CCNY: variants seen among roughly 807,000 people sequenced by gnomAD.
CCNY encodes the protein cyclin-Y.
In CCNY, 19 loss-of-function variants were observed where a neutral mutation model predicts 42.8. That is an observed-to-expected ratio of 0.44 (90% confidence interval 0.31 to 0.65). The LOEUF (loss-of-function observed/expected upper bound fraction) is 0.65, where lower values mean the gene tolerates loss of function less well. Among genes scored for constraint, CCNY ranks in the 30% least tolerant of loss-of-function variants. The pLI is 0.07. For synonymous variants in CCNY, 165 were observed against 162.7 expected (o/e 1.01, Z -0.11); for missense variants, 370 against 437.3 (o/e 0.85, Z 1.37).
At chr10:35,561,859 G>T (rs1283391413) in intron 8 of CCNY, among the ~76,000 whole-genome samples, 1 of 152,234 alleles carries the variant, frequency 6.6e-6, no homozygotes, top group African/African-American at 2.4e-5. Context: ...ACTGAGACTT[G>T]CAGGCAGAAT....
In CCNY at chr10:35,540,564, C is replaced by CT. The variant is rs561129843; in HGVS notation, c.579+10333dup. Reference sequence around the variant, plus strand: ...AACAAATTGAGAAATATTCCTTCTACTTTTTTTTTTTTGAAGAGTTTGTGG... The same window carrying CT: ...AACAAATTGAGAAATATTCCTTCTACTTTTTTTTTTTTTGAAGAGTTTGTGG... On this transcript the variant is annotated intron_variant, in intron 7 of 9. Coordinates refer to ENST00000374704, the MANE Select transcript of CCNY (RefSeq NM_145012.6). Among the ~76,000 whole-genome samples, 347 of 144,672 alleles carry CT rather than the reference C, an allele frequency of 2.4e-3. 1 individual carries two copies. Among genetic ancestry groups the CT allele is most frequent in the Middle Eastern group, 7.4e-3 (2 of 272 alleles). 94.9% of individuals were successfully genotyped at this position (144,672 alleles called of 152,430 possible).
chr10:35,550,383 G>A (rs914246025), intron 7 of CCNY, among the ~76,000 whole-genome samples: 2 of 152,124 alleles, frequency 1.3e-5, no homozygotes, highest in Admixed American at 6.5e-5. Context: ...ATGACCCTGT[G>A]CTGCTTGCTG....
At chr10:35,450,054 C>T (rs1018074931) in intron 1 of CCNY, among the ~76,000 whole-genome samples, 1 of 152,040 alleles carries the variant, frequency 6.6e-6, no homozygotes, top group East Asian at 1.9e-4. Flanking sequence ...GGCAGAGGAA[C>T]GTGGTGGCAC....
rs748971306 is a variant in CCNY, at chr10:35,516,588, A to G, written c.330A>G (p.Thr110=). The G allele has an allele frequency of 2.5e-6, 4 of 1,612,344 alleles. No individual in the cohort carries two copies. In the South Asian group the frequency reaches 3.3e-5, roughly 13 times the overall value. Residue 110 remains threonine, a synonymous_variant, in exon 4 of 10, where the codon ACA becomes ACG. Coordinates refer to ENST00000374704, the MANE Select transcript of CCNY (RefSeq NM_145012.6). The part of the protein sequence containing the change: ...SCSTIFLDDS[T]VSQPNLKYTI... ...CCACCATTTTCCTAGATGATAGCAC[A>G]GTCAGTCAACCAAACCTCAAGTATA...
chr10:35,453,225 T>C (rs978730723), intron 1 of CCNY, among the ~76,000 whole-genome samples: 6 of 152,208 alleles, frequency 3.9e-5, no homozygotes, highest in Admixed American at 6.5e-5. Flanking sequence ...ATGTGAGCCA[T>C]TGTGGCTAGT....
At chr10:35,317,725 C>T (rs1053339022) in intron 3 of CCNY, among the ~76,000 whole-genome samples, 3 of 152,122 alleles carry the variant, frequency 2.0e-5, no homozygotes, top group East Asian at 1.9e-4. Context: ...TAAGTGTGTG[C>T]GCTCCCAGGG....
chr10:35,432,724 A>G (rs1282233368), intron 1 of CCNY, among the ~76,000 whole-genome samples: 1 of 152,232 alleles, frequency 6.6e-6, no homozygotes, highest in African/African-American at 2.4e-5. Flanking sequence ...TGGGTTTCAT[A>G]AATTTAATTA....
intron 7 of CCNY, among the ~76,000 whole-genome samples, chr10:35,540,564 C>CTTTTTTTTTTTTTTTTTTTTTT (rs561129843): frequency 9.7e-5 from 14 of 144,826 alleles, no homozygotes; most frequent in African/African-American, 3.3e-4. Context: ...ATTCCTTCTA[C>CTTTTTTTTTTTTTTTTTTTTTT]TTTTTTTTTT....
At chr10:35,501,230 A>G (rs1003589115) in intron 2 of CCNY, among the ~76,000 whole-genome samples, 1 of 152,200 alleles carries the variant, frequency 6.6e-6, no homozygotes, top group African/African-American at 2.4e-5. Context: ...TTATTCAGTT[A>G]ATGGAAATCT....
intron 5 of CCNY, 75 bp downstream of exon 5, chr10:35,526,074 G>C: frequency 1.5e-6 from 2 of 1,291,126 alleles, no homozygotes; most frequent in South Asian, 1.3e-5. Context: ...TCATATTCTA[G>C]TTGCTTAAAC....
At chr10:35,279,042 C>T (rs1835270159) in intron 3 of CCNY, among the ~76,000 whole-genome samples, 1 of 151,554 alleles carries the variant, frequency 6.6e-6, no homozygotes, top group South Asian at 2.1e-4. Flanking sequence ...CTCCAGAGCT[C>T]TCCAAGTAGT....
At chr10:35,265,792 T>C (rs2095724523) in intron 3 of CCNY, among the ~76,000 whole-genome samples, 1 of 152,120 alleles carries the variant, frequency 6.6e-6, no homozygotes, top group African/African-American at 2.4e-5. Flanking sequence ...GAGAGGAGCA[T>C]AGAAGAAGGT....
chr10:35,531,043 C>T (rs559941407), intron 7 of CCNY, among the ~76,000 whole-genome samples: 1 of 152,164 alleles, frequency 6.6e-6, no homozygotes, highest in South Asian at 2.1e-4. Flanking sequence ...CACTCCAGCC[C>T]GAGGGGCAGA....
intron 8 of CCNY, among the ~76,000 whole-genome samples, chr10:35,554,497 A>T (rs144069300): frequency 2.6e-5 from 4 of 152,350 alleles, no homozygotes; most frequent in African/African-American, 9.6e-5. Context: ...TGTCATTCAT[A>T]TCATAAAGGA....
At chr10:35,477,292 C>T (rs1301448492) in intron 1 of CCNY, among the ~76,000 whole-genome samples, 1 of 151,978 alleles carries the variant, frequency 6.6e-6, no homozygotes, top group Non-Finnish European at 1.5e-5. Flanking sequence ...TTTTATGAGG[C>T]CAGCATCATT....
chr10:35,461,546 G>T (rs1234219699), intron 1 of CCNY, among the ~76,000 whole-genome samples: 4 of 152,150 alleles, frequency 2.6e-5, no homozygotes, highest in African/African-American at 9.7e-5. Flanking sequence ...TTTGCTAAAA[G>T]TGGAGTTTAT....
chr10:35,478,892 A>C (rs912119978), intron 1 of CCNY, among the ~76,000 whole-genome samples: 2 of 152,234 alleles, frequency 1.3e-5, no homozygotes, highest in African/African-American at 4.8e-5. Flanking sequence ...CAGAATCTAC[A>C]ATGAACTCAA....
At chr10:35,497,446 T>C (rs1474879290) in intron 2 of CCNY, among the ~76,000 whole-genome samples, 3 of 152,190 alleles carry the variant, frequency 2.0e-5, no homozygotes, top group African/African-American at 7.2e-5. Context: ...CTGTAAAATA[T>C]TCTGCTTATC....
chr10:35,401,288 A>G (rs1225146335), intron 1 of CCNY, among the ~76,000 whole-genome samples: 2 of 152,216 alleles, frequency 1.3e-5, no homozygotes, highest in African/African-American at 4.8e-5. Context: ...GCTTACCAGG[A>G]AAGGAAGCTG....
Sources: gnomAD v4.1 joint callset for allele counts (sites outside exome capture counted in the v4.1 genomes callset) on GRCh38, gnomAD v4.1.1 for gene constraint, MANE v1.5 for transcripts, NCBI Gene and HGNC (gene_info 2026-07-23, HGNC 2026-07-21) for gene names.